The following TUBGCP3 variants were observed in gnomAD, a reference collection of about 807,000 sequenced individuals.
TUBGCP3 encodes tubulin gamma complex component 3.
Under a neutral mutation model 123.1 loss-of-function variants are expected in TUBGCP3, and 50 were observed. That is an observed-to-expected ratio of 0.41 (90% CI 0.32 to 0.51). The LOEUF (loss-of-function observed/expected upper bound fraction) is 0.51. Ranked by LOEUF, TUBGCP3 falls within the 20% of genes least tolerant of loss-of-function variation. The pLI is 0.36. For missense variants in TUBGCP3, 882 were observed against 1,127.0 expected (o/e 0.78, Z 3.11); for synonymous variants, 405 against 413.9 (o/e 0.98, Z 0.26).
chr13:112,558,321 C>A lies in TUBGCP3; in HGVS notation c.423G>T (p.Leu141=), dbSNP rs1402475015. The A allele has an allele frequency of 1.9e-6, 3 of 1,613,862 alleles. No homozygotes were observed. The Admixed American group carries it at 5.0e-5, about 27-fold the overall frequency. ...ACTGGGCACTCCGATCTTGGTAGCT[C>A]AGGGGAAGGGTCTGAGGCCTGGCAT... ...YYYARPQTLP[L]SYQDRSAQSA... The change falls in exon 5 of 22, where the codon CTG becomes CTT. Residue 141 remains leucine, a synonymous_variant. Coordinates refer to ENST00000261965, the MANE Select transcript of TUBGCP3 (RefSeq NM_006322.6).
At position 112,524,421 on chromosome 13, in the gene TUBGCP3, C is replaced by T. The variant is rs1049582971; in HGVS notation, c.1556-1912G>A. 6.6e-6 allele frequency among the ~76,000 whole-genome samples: 1 copy of T among 152,208 alleles called. No individual in the cohort carries two copies. Among genetic ancestry groups the T allele is most frequent in the Admixed American group, 6.5e-5 (1 of 15,282 alleles). ...AGCAACCTTCATGGAGAGCCTCCGG[C>T]ACAGCAGGCGCATGGGGACGCCCTG... On this transcript the variant is annotated intron_variant, in intron 13 of 21. Coordinates refer to ENST00000261965, the MANE Select transcript of TUBGCP3 (RefSeq NM_006322.6). This position sits in a 1 kb window ranked among gnomAD's most constrained non-coding sequence, Gnocchi z 4.4.
chr13:112,494,900 C>T (rs767435456), intron 20 of TUBGCP3, among the ~76,000 whole-genome samples: 14 of 152,204 alleles, frequency 9.2e-5, no homozygotes, highest in Non-Finnish European at 1.9e-4. Context: ...GATCCTTTTC[C>T]TTTCTTAACT....
intron 11 of TUBGCP3, among the ~76,000 whole-genome samples, chr13:112,536,321 G>A (rs989851449): frequency 2.6e-5 from 4 of 152,188 alleles, no homozygotes; most frequent in Non-Finnish European, 5.9e-5. Context: ...AGTGTGGCTC[G>A]TGTTGGGGGA....
the TUBGCP3 span, among the ~76,000 whole-genome samples, chr13:112,600,528 A>C: frequency 6.6e-6 from 1 of 152,212 alleles, no homozygotes; most frequent in Admixed American, 6.5e-5. Flanking sequence ...AATGTCATTA[A>C]ACTGTTGAAA....
At chr13:112,509,138 C>G (rs1881499514) in intron 17 of TUBGCP3, among the ~76,000 whole-genome samples, 1 of 152,206 alleles carries the variant, frequency 6.6e-6, no homozygotes, top group South Asian at 2.1e-4. Flanking sequence ...AACAGCTCAT[C>G]CTCACCTGTC....
intron 16 of TUBGCP3, among the ~76,000 whole-genome samples, chr13:112,517,382 C>T (rs1876226763): frequency 6.6e-6 from 1 of 152,156 alleles, no homozygotes; most frequent in South Asian, 2.1e-4. Context: ...ATGTACATGG[C>T]ATGACAACTT....
chr13:112,570,934 G>A (rs1418564481), intron 1 of TUBGCP3, among the ~76,000 whole-genome samples: 3 of 152,174 alleles, frequency 2.0e-5, no homozygotes, highest in Non-Finnish European at 2.9e-5. Context: ...TCTGCTCATC[G>A]ATAAAAAGCA....
chr13:112,537,059 G>A (rs889925514), intron 11 of TUBGCP3, among the ~76,000 whole-genome samples: 12 of 150,404 alleles, frequency 8.0e-5, no homozygotes, highest in African/African-American at 2.9e-4. Context: ...ACAGCTGTGA[G>A]CCACTGCACC....
intron 20 of TUBGCP3, 185 bp downstream of exon 20, chr13:112,498,860 A>G: frequency 6.2e-7 from 1 of 1,607,834 alleles, no homozygotes. Context: ...TGATGATGCC[A>G]GTGAGGGTGG....
chr13:112,547,508 G>C, intron 10 of TUBGCP3, 112 bp downstream of exon 10: 2 of 1,334,144 alleles, frequency 1.5e-6, no homozygotes, highest in Non-Finnish European at 1.9e-6. Flanking sequence ...CCAGACGCGC[G>C]TGGGAAAGAC....
At chr13:112,525,028 A>G (rs1265912622) in intron 13 of TUBGCP3, among the ~76,000 whole-genome samples, 1 of 152,178 alleles carries the variant, frequency 6.6e-6, no homozygotes, top group East Asian at 1.9e-4. Flanking sequence ...TCCTGTCCAG[A>G]GAGCCAAGTC....
intron 1 of TUBGCP3, among the ~76,000 whole-genome samples, chr13:112,585,234 G>A (rs1185126571): frequency 6.6e-6 from 1 of 152,196 alleles, no homozygotes; most frequent in African/African-American, 2.4e-5. Context: ...GGAGTTACCA[G>A]ATAAAATGCT....
At chr13:112,526,221 C>CCACCATCATCAT (rs1877063886) in intron 13 of TUBGCP3, among the ~76,000 whole-genome samples, 1 of 144,832 alleles carries the variant, frequency 6.9e-6, no homozygotes, top group Non-Finnish European at 1.5e-5. Flanking sequence ...ACCATCATCA[C>CCACCATCATCAT]CACCCATCCC....
At chr13:112,550,900 C>T (rs1879514992) in intron 8 of TUBGCP3, among the ~76,000 whole-genome samples, 1 of 152,128 alleles carries the variant, frequency 6.6e-6, no homozygotes, top group East Asian at 1.9e-4. Flanking sequence ...AGATTAAGAC[C>T]ATCCTGGCTA....
chr13:112,576,258 C>T (rs975365732), intron 1 of TUBGCP3, among the ~76,000 whole-genome samples: 2 of 152,120 alleles, frequency 1.3e-5, no homozygotes. Context: ...CTTTCTCTTT[C>T]TCTATAAAGG....
intron 17 of TUBGCP3, among the ~76,000 whole-genome samples, chr13:112,512,783 T>C (rs1202815204): frequency 1.3e-5 from 2 of 152,200 alleles, no homozygotes; most frequent in Non-Finnish European, 2.9e-5. Flanking sequence ...CCCTGAGAAC[T>C]TCAGGGACCA....
chr13:112,500,427 A>C (rs1200515956), intron 19 of TUBGCP3, among the ~76,000 whole-genome samples: 2 of 152,224 alleles, frequency 1.3e-5, no homozygotes, highest in Non-Finnish European at 2.9e-5. Context: ...CCGAAGCGTG[A>C]AAAAGAAGCA....
At chr13:112,557,004 T>G (rs9324310) in intron 5 of TUBGCP3, among the ~76,000 whole-genome samples, 20,815 of 151,794 alleles carry the variant, frequency 0.14, 2,409 homozygotes, top group African/African-American at 0.32. Flanking sequence ...ACTGGGGGGG[T>G]TTATCCATAA....
the TUBGCP3 span, among the ~76,000 whole-genome samples, chr13:112,595,185 C>T: frequency 6.6e-6 from 1 of 151,514 alleles, no homozygotes. Flanking sequence ...CTCTTTTGAG[C>T]TCTATCAATT....
Sources: allele counts gnomAD v4.1 joint callset (sites outside exome capture counted in the v4.1 genomes callset), GRCh38; gene constraint gnomAD v4.1.1; non-coding constraint Gnocchi (gnomAD v3.1); transcripts MANE v1.5; gene names NCBI Gene and HGNC (gene_info 2026-07-23, HGNC 2026-07-21).